SLC16A5: variants seen among roughly 807,000 people sequenced by gnomAD.
SLC16A5 encodes the protein monocarboxylate transporter 6.
A neutral mutation model predicts 33.2 loss-of-function variants in SLC16A5; 29 were observed. The ratio of observed to expected loss-of-function variants is 0.87; its 90% CI spans 0.65 to 1.19. SLC16A5 has a LOEUF of 1.19. SLC16A5 is among the 50% of genes most tolerant of loss of function. The probability of loss-of-function intolerance (pLI) is 0.00; values close to 1 mark genes in which losing one functional copy is unlikely to be tolerated. For synonymous variants in SLC16A5, 248 were observed against 284.1 expected, an observed-to-expected ratio of 0.87 and a Z score of 1.28; for missense variants, 606 against 678.2, an observed-to-expected ratio of 0.89 and a Z score of 1.18.
At position 75,100,786 on chromosome 17, in the gene SLC16A5, C is replaced by G. The variant is rs371149751; in HGVS notation, c.1123C>G (p.Leu375Val). The part of the protein sequence containing the change: ...ALGLFTVLDG[L>V]AFLISPPLAG... The stretch of plus-strand genomic sequence containing the variant: ...GGGACTCTTCACTGTCCTGGACGGC[C>G]TTGCTTTCCTCATCTCCCCACCACT... Residue 375 changes from leucine to valine, a missense_variant, in exon 5 of 7, where the codon CTT becomes GTT. Transcript: ENST00000329783. The G allele has an allele frequency of 5.2e-5, 83 of 1,606,272 alleles. No individual in the cohort carries two copies. The highest frequency in any genetic ancestry group is 8.5e-5 in the Admixed American group (5 of 58,986).
chr17:75,107,293 C>A (rs2073870674), downstream of SLC16A5, among the ~76,000 whole-genome samples: 1 of 151,720 alleles, frequency 6.6e-6, no homozygotes, highest in Admixed American at 6.6e-5. Context: ...GAGACCTTGT[C>A]CCCCCTTCCC....
chr17:75,102,410 A>G (rs1426037252), intron 5 of SLC16A5, among the ~76,000 whole-genome samples: 1 of 151,992 alleles, frequency 6.6e-6, no homozygotes, highest in African/African-American at 2.4e-5. Context: ...TCCAACTCGA[A>G]AAAAATAAAA....
chr17:75,093,543 A>T (rs1293471022), intron 2 of SLC16A5, 46 bp from the exon 3 acceptor site: 1 of 1,541,810 alleles, frequency 6.5e-7, no homozygotes, highest in Admixed American at 2.0e-5. Flanking sequence ...GCCAGGAGAG[A>T]CGGACAGCCT....
chr17:75,088,496 C>G (rs1163978951), intron 1 of SLC16A5, among the ~76,000 whole-genome samples: 2 of 152,100 alleles, frequency 1.3e-5, no homozygotes, highest in African/African-American at 2.4e-5. Context: ...CCCCAGCCAC[C>G]CCACCTCTGG....
intron 6 of SLC16A5, chr17:75,105,465 C>G: frequency 1.0e-6 from 1 of 985,370 alleles, no homozygotes; most frequent in Non-Finnish European, 1.2e-6. Context: ...TTTTCCCTGC[C>G]GTGTTATTGG....
chr17:75,092,028 GGT>G (rs535726400), intron 2 of SLC16A5, among the ~76,000 whole-genome samples: 140 of 149,680 alleles, frequency 9.4e-4, no homozygotes, highest in African/African-American at 2.7e-3. Flanking sequence ...ATGTGAGGGG[GGT>G]GTGTGTGTGT....
chr17:75,104,211 C>A, intron 6 of SLC16A5, 31 bp downstream of exon 6: 1 of 1,608,886 alleles, frequency 6.2e-7, no homozygotes, highest in South Asian at 1.1e-5. Flanking sequence ...ACCCAGGGTT[C>A]ATCTGTGTGA....
Position 75,100,210 on chromosome 17 carries a change from T to A in SLC16A5, c.547T>A (p.Cys183Ser). 2 of 1,614,236 alleles carry A rather than the reference T, an allele frequency of 1.2e-6. No homozygotes were observed. The highest frequency in any genetic ancestry group is 1.7e-6 in the Non-Finnish European group (2 of 1,180,030). The change falls in exon 5 of 7, where the codon TGC becomes AGC. Residue 183 changes from cysteine (C) to serine (S), a missense_variant. Coordinates refer to ENST00000329783, the MANE Select transcript of SLC16A5 (RefSeq NM_004695.4). Reference protein sequence around the residue: ...LVFGGIFLHCCICGAIIRPVA... With the variant: ...LVFGGIFLHCSICGAIIRPVA... ...CTTCGGCGGGATCTTTCTCCACTGCTGCATCTGCGGGGCCATCATAAGGCC... is the reference window on the plus strand; with the variant it reads ...CTTCGGCGGGATCTTTCTCCACTGCAGCATCTGCGGGGCCATCATAAGGCC...
intron 2 of SLC16A5, among the ~76,000 whole-genome samples, chr17:75,093,037 C>T (rs2073663589): frequency 6.6e-6 from 1 of 152,018 alleles, no homozygotes; most frequent in African/African-American, 2.4e-5. Context: ...TTTGTGTATG[C>T]TCTGTGGCTG....
chr17:75,098,236 A>T lies in SLC16A5; in HGVS notation c.343+55A>T, dbSNP rs927297447. The T allele has an allele frequency of 1.1e-5, 17 of 1,606,306 alleles. No homozygotes were observed. The Middle Eastern group carries it at 5.0e-4, about 47-fold the overall frequency. The stretch of plus-strand genomic sequence containing the variant: ...AGGCACCTGCTAGAAAGTGCCAGGC[A>T]CAAGTGGACAGGGCAGGCAGGCCTC... On this transcript the variant is annotated intron_variant, in intron 4 of 6. Coordinates refer to ENST00000329783, the MANE Select transcript of SLC16A5 (RefSeq NM_004695.4).
At position 75,105,369 on chromosome 17, in the gene SLC16A5, G is replaced by C. The variant is rs569165316; in HGVS notation, c.1365-511G>C. ...ACTGACGGGAGAGGAAGGCTTGCCA[G>C]GCAGCCCGAAGACTGTTGTGAAAAT... On this transcript the variant is annotated intron_variant, in intron 6 of 6. Coordinates refer to ENST00000329783, the MANE Select transcript of SLC16A5 (RefSeq NM_004695.4). The C allele has an allele frequency of 2.1e-5, 21 of 985,458 alleles. No individual in the cohort carries two copies. In the East Asian group the frequency reaches 2.4e-3, roughly 112 times the overall value. 61.0% of individuals were successfully genotyped at this position (985,458 alleles called of 1,614,324 possible).
Position 75,100,734 on chromosome 17 carries a change from C to G in SLC16A5, c.1071C>G (p.Val357=). The change falls in exon 5 of 7, where the codon GTC becomes GTG. Residue 357 remains valine, a synonymous_variant. Transcript: ENST00000329783. ...ALIFQVLMDI[V]PMDQFPRALG... is the part of the protein sequence containing the mutation. The stretch of plus-strand genomic sequence containing the variant: ...TCTTCCAGGTTCTCATGGACATCGT[C>G]CCCATGGATCAGTTCCCCAGAGCCC... 6.2e-7 allele frequency: 1 copy of G among 1,614,148 alleles called. No homozygotes were observed. Among genetic ancestry groups the G allele is most frequent in the Non-Finnish European group, 8.5e-7 (1 of 1,180,022 alleles).
At chr17:75,095,027 C>G (rs899470027) in intron 3 of SLC16A5, among the ~76,000 whole-genome samples, 4 of 152,230 alleles carry the variant, frequency 2.6e-5, no homozygotes, top group Admixed American at 6.5e-5. Context: ...GACAGCAGCC[C>G]GAGCTGATGG....
chr17:75,105,962 G>A lies in SLC16A5; in HGVS notation c.1447G>A (p.Glu483Lys). ...GCPASSRTSH[E>K]WLLWPKAVLQ... ...TCCTGCCTCCTCCAGGACCAGCCAT[G>A]AGTGGCTCTTATGGCCAAAGGCGGT... The change falls in exon 7 of 7, where the codon GAG becomes AAG. Residue 483 changes from glutamate to lysine, a missense_variant. Coordinates refer to ENST00000329783, the MANE Select transcript of SLC16A5 (RefSeq NM_004695.4). The A allele has an allele frequency of 6.2e-7, 1 of 1,612,106 alleles. No individual in the cohort carries two copies. Among genetic ancestry groups the A allele is most frequent in the Non-Finnish European group, 8.5e-7 (1 of 1,178,788 alleles).
Position 75,094,641 on chromosome 17 carries a change from G to A in SLC16A5, c.199+806G>A, listed in dbSNP as rs1473234091. On this transcript the variant is annotated intron_variant, in intron 3 of 6. Transcript: ENST00000329783. ...GCAGAGGTTGCGGTGAGCTGAGATG[G>A]TGCCATTGCACTCCAGCCTGGGCAA... 2.0e-5 allele frequency among the ~76,000 whole-genome samples: 3 copies of A among 149,994 alleles called. No homozygotes were observed. The Admixed American group carries it at 2.0e-4, about 10-fold the overall frequency.
intron 2 of SLC16A5, among the ~76,000 whole-genome samples, chr17:75,092,797 ATGTGTC>A (rs998062468): frequency 1.4e-5 from 2 of 139,190 alleles, no homozygotes; most frequent in Non-Finnish European, 3.1e-5. Context: ...GTGACTGGGT[ATGTGTC>A]TGTGTCTGTG....
chr17:75,103,927 G>C (rs2073830353), intron 5 of SLC16A5, 43 bp from the exon 6 acceptor site: 2 of 1,552,470 alleles, frequency 1.3e-6, no homozygotes, highest in East Asian at 4.5e-5. Context: ...TGAGTTGGGG[G>C]GAGGCCTGGT....
chr17:75,095,231 G>A (rs1221446793), intron 3 of SLC16A5, among the ~76,000 whole-genome samples: 2 of 152,210 alleles, frequency 1.3e-5, no homozygotes, highest in Admixed American at 6.5e-5. Flanking sequence ...CATGGCCTCT[G>A]GCCTGCAGGG....
chr17:75,088,492 C>T (rs1156294728), intron 1 of SLC16A5, among the ~76,000 whole-genome samples: 1 of 152,150 alleles, frequency 6.6e-6, no homozygotes, highest in Non-Finnish European at 1.5e-5. Flanking sequence ...TTTGCCCCAG[C>T]CACCCCACCT....
Sources: allele counts gnomAD v4.1 joint callset (sites outside exome capture counted in the v4.1 genomes callset), GRCh38; gene constraint gnomAD v4.1.1; transcripts MANE v1.5; gene names NCBI Gene and HGNC (gene_info 2026-07-23, HGNC 2026-07-21).